Variants in VPS13B observed in about 807,000 individuals in gnomAD.
VPS13B encodes intermembrane lipid transfer protein VPS13B.
VPS13B carries 285 observed loss-of-function variants against 426.4 expected under a neutral mutation model. The ratio of observed to expected loss-of-function variants is 0.67; its 90% CI spans 0.61 to 0.74. The LOEUF is 0.74. Ranked by LOEUF, VPS13B falls within the 30% of genes least tolerant of loss-of-function variation. The probability of loss-of-function intolerance (pLI) is 0.00; values close to 1 mark genes in which losing one functional copy is unlikely to be tolerated. For synonymous variants in VPS13B, 1,676 were observed against 1,676.4 expected, an observed-to-expected ratio of 1.00 and a Z score of 0.01; for missense variants, 4,537 against 4,782.6, an observed-to-expected ratio of 0.95 and a Z score of 1.51.
intron 17 of VPS13B, among the ~76,000 whole-genome samples, chr8:99,199,407 G>A (rs990693202): frequency 5.3e-5 from 8 of 151,750 alleles, no homozygotes; most frequent in Non-Finnish European, 1.2e-4. Context: ...TCCTGACCTC[G>A]TGATCCGTCT....
intron 35 of VPS13B, among the ~76,000 whole-genome samples, chr8:99,683,484 G>A (rs941905165): frequency 6.6e-5 from 10 of 152,108 alleles, no homozygotes; most frequent in African/African-American, 1.9e-4. Flanking sequence ...AATATGGTAT[G>A]TGTATGGTAT....
chr8:99,211,074 G>A (rs895242542), intron 17 of VPS13B, among the ~76,000 whole-genome samples: 1 of 152,114 alleles, frequency 6.6e-6, no homozygotes, highest in African/African-American at 2.4e-5. Context: ...AAGCCCATTG[G>A]ATTTTTTTCC....
intron 40 of VPS13B, among the ~76,000 whole-genome samples, chr8:99,768,382 G>A (rs989829861): frequency 1.7e-4 from 26 of 152,108 alleles, no homozygotes; most frequent in African/African-American, 5.8e-4. Context: ...ATGTGTACAC[G>A]CTTTTACAAG....
intron 19 of VPS13B, among the ~76,000 whole-genome samples, chr8:99,348,505 T>C (rs1469567286): frequency 6.6e-6 from 1 of 152,234 alleles, no homozygotes. Context: ...ACCTCTGCAG[T>C]GCTAAACATC....
intron 29 of VPS13B, among the ~76,000 whole-genome samples, chr8:99,520,170 T>C (rs564538550): frequency 5.3e-5 from 8 of 152,140 alleles, no homozygotes; most frequent in Non-Finnish European, 1.0e-4. Context: ...TTATTTATCA[T>C]AGTTTTAGAC....
chr8:99,407,682 A>G (rs1436347942), intron 21 of VPS13B, among the ~76,000 whole-genome samples: 1 of 141,428 alleles, frequency 7.1e-6, no homozygotes, highest in Admixed American at 7.2e-5. Context: ...TTATTTTTTT[A>G]TTATACTTTA....
At chr8:99,365,021 A>C (rs973907343) in intron 19 of VPS13B, among the ~76,000 whole-genome samples, 8 of 152,128 alleles carry the variant, frequency 5.3e-5, no homozygotes, top group Non-Finnish European at 1.0e-4. Flanking sequence ...TACATGTAAC[A>C]AGGAATTTAT....
At chr8:99,138,685 A>G (rs1452010091) in intron 12 of VPS13B, among the ~76,000 whole-genome samples, 1 of 152,254 alleles carries the variant, frequency 6.6e-6, no homozygotes, top group African/African-American at 2.4e-5. Flanking sequence ...ATTGAAGTGT[A>G]AATATTCCTT....
At chr8:99,522,809 T>G (rs913727446) in intron 30 of VPS13B, among the ~76,000 whole-genome samples, 3 of 152,224 alleles carry the variant, frequency 2.0e-5, no homozygotes, top group Non-Finnish European at 4.4e-5. Context: ...CAAAAGGTAT[T>G]CATATAAGAG....
chr8:99,482,957 G>C (rs964424317), intron 25 of VPS13B, among the ~76,000 whole-genome samples: 2 of 151,964 alleles, frequency 1.3e-5, no homozygotes, highest in Middle Eastern at 3.2e-3. Flanking sequence ...TCCCCAACGA[G>C]AGCAACTGTT....
chr8:99,192,861 T>C lies in VPS13B; in HGVS notation c.2334-15T>C, dbSNP rs944097523. On this transcript the variant is annotated splice_polypyrimidine_tract_variant and intron_variant, in intron 16 of 61. Coordinates refer to ENST00000357162, the MANE Select transcript of VPS13B (RefSeq NM_152564.5). Reference sequence around the variant, plus strand: ...CTATTTACTGTATTGCGATTCTTTCTGTTTTCTTGTGCAGGACCAAAAGAT... The same window carrying C: ...CTATTTACTGTATTGCGATTCTTTCCGTTTTCTTGTGCAGGACCAAAAGAT... 2.5e-6 allele frequency: 4 copies of C among 1,612,098 alleles called. No homozygotes were observed. The highest frequency in any genetic ancestry group is 1.7e-5 in the Admixed American group (1 of 60,012).
At chr8:99,236,711 A>G (rs1157571130) in intron 17 of VPS13B, among the ~76,000 whole-genome samples, 4 of 152,224 alleles carry the variant, frequency 2.6e-5, no homozygotes, top group South Asian at 2.1e-4. Flanking sequence ...AGTGATCTTC[A>G]TGTCCTATTA....
chr8:99,757,347 A>G (rs551288968), intron 39 of VPS13B, among the ~76,000 whole-genome samples: 2 of 151,926 alleles, frequency 1.3e-5, no homozygotes. Flanking sequence ...CAGTTGCTAG[A>G]TCTCCCCTCT....
intron 14 of VPS13B, among the ~76,000 whole-genome samples, chr8:99,149,779 C>T (rs1563569207): frequency 1.3e-5 from 2 of 152,108 alleles, no homozygotes; most frequent in African/African-American, 4.8e-5. Flanking sequence ...ACCACCTGAG[C>T]TCCGCCTCCT....
chr8:99,073,230 A>G (rs767443403), intron 3 of VPS13B, among the ~76,000 whole-genome samples: 12 of 152,124 alleles, frequency 7.9e-5, no homozygotes, highest in Non-Finnish European at 1.8e-4. Flanking sequence ...GTAGTTCCAG[A>G]TTAATTTTAG....
intron 19 of VPS13B, among the ~76,000 whole-genome samples, chr8:99,323,952 G>A (rs1363187279): frequency 6.6e-6 from 1 of 152,112 alleles, no homozygotes; most frequent in South Asian, 2.1e-4. Context: ...TTGTGGTTTC[G>A]CCTCATAAAA....
At chr8:99,486,453 T>A (rs1308888284) in intron 25 of VPS13B, among the ~76,000 whole-genome samples, 1 of 152,146 alleles carries the variant, frequency 6.6e-6, no homozygotes, top group East Asian at 1.9e-4. Context: ...CTGGAACTCC[T>A]GACCTCAGGT....
At chr8:99,102,866 TCATA>T (rs1233452882) in intron 4 of VPS13B, 83 bp from the exon 5 acceptor site, 48 of 1,288,048 alleles carry the variant, frequency 3.7e-5, no homozygotes, top group Admixed American at 7.1e-5. Flanking sequence ...ACCACCTTTC[TCATA>T]CATTAAGTTC....
rs149738432 is a variant in VPS13B, at chr8:99,090,425, G to A, written c.292-5887G>A. Reference sequence around the variant, plus strand: ...TGGGATTACAGGTGCAAAGCACCACGCCCAGCTAATTTTTTTGAAGTTTTA... The same window carrying A: ...TGGGATTACAGGTGCAAAGCACCACACCCAGCTAATTTTTTTGAAGTTTTA... On this transcript the variant is annotated intron_variant, in intron 3 of 61. Transcript: ENST00000357162. Among the ~76,000 whole-genome samples the A allele has an allele frequency of 7.4e-3, 1,129 of 151,980 alleles. 20 individuals are homozygous for A. The highest frequency in any genetic ancestry group is 0.026 in the African/African-American group (1,067 of 41,468).
Sources: allele counts gnomAD v4.1 joint callset (sites outside exome capture counted in the v4.1 genomes callset), GRCh38; gene constraint gnomAD v4.1.1; transcripts MANE v1.5; gene names NCBI Gene and HGNC (gene_info 2026-07-23, HGNC 2026-07-21).